The following SLC30A8 variants were observed in gnomAD, a reference collection of about 807,000 sequenced individuals.
The protein encoded by SLC30A8 is solute carrier family 30 member 8, also known as proton-coupled zinc antiporter SLC30A8.
SLC30A8 carries 27 observed loss-of-function variants against 36.9 expected under a neutral mutation model. The observed-to-expected ratio is 0.73, with a 90% confidence interval of 0.54 to 1.01. The LOEUF is 1.01. Among genes scored for constraint, SLC30A8 ranks in the 50% least tolerant of loss-of-function variants. The pLI is 0.00. For missense variants in SLC30A8, 439 were observed against 452.0 expected (o/e 0.97, Z 0.26); for synonymous variants, 164 against 172.4 (o/e 0.95, Z 0.38).
rs182180319 is a variant in SLC30A8 at position 117,022,439 on chromosome 8, C to G, written c.-265-16780C>G. Among the ~76,000 whole-genome samples the G allele has an allele frequency of 6.6e-5, 10 of 152,192 alleles. No individual in the cohort carries two copies. In the East Asian group the frequency reaches 1.9e-3, roughly 29 times the overall value. ...CAAAAAAGAGGTCTGGTATGAATGA[C>G]CTTTAGTGTCCCTCTTATAAACCAG... On this transcript the variant is annotated intron_variant, in intron 1 of 10. Coordinates refer to the SLC30A8 transcript ENST00000427715.
intron 4 of SLC30A8, among the ~76,000 whole-genome samples, chr8:117,160,434 T>C (rs868215114): frequency 0.023 from 3,372 of 146,178 alleles, 53 homozygotes; most frequent in African/African-American, 0.047. Flanking sequence ...TGTGTGTGTG[T>C]GCGCGCACAT....
chr8:117,078,969 T>TGA (rs1818576318), intron 2 of SLC30A8, among the ~76,000 whole-genome samples: 1 of 152,090 alleles, frequency 6.6e-6, no homozygotes, highest in Non-Finnish European at 1.5e-5. Context: ...ATTAAAGGTG[T>TGA]GAGCCAATGT....
intron 1 of SLC30A8, among the ~76,000 whole-genome samples, chr8:117,011,814 G>A (rs948133509): frequency 6.6e-5 from 10 of 152,080 alleles, no homozygotes; most frequent in Non-Finnish European, 1.2e-4. Context: ...TAAAACATAA[G>A]CAGGACTACT....
At chr8:117,127,955 C>G (rs1265802058) in intron 2 of SLC30A8, among the ~76,000 whole-genome samples, 1 of 152,082 alleles carries the variant, frequency 6.6e-6, no homozygotes, top group Non-Finnish European at 1.5e-5. Flanking sequence ...AAAGGCAATT[C>G]TCTCTTATAT....
At chr8:117,095,458 T>A (rs1235166541) in intron 2 of SLC30A8, among the ~76,000 whole-genome samples, 1 of 152,096 alleles carries the variant, frequency 6.6e-6, no homozygotes, top group Non-Finnish European at 1.5e-5. Flanking sequence ...ACAGGGTTTT[T>A]TTTTGCATAA....
At chr8:117,056,179 C>G (rs1258101946) in intron 2 of SLC30A8, 1 of 152,070 alleles carries the variant, frequency 6.6e-6, no homozygotes, top group Non-Finnish European at 1.5e-5. Context: ...AACATCTGAC[C>G]AAGGGCAGTA....
At chr8:117,061,370 G>C (rs1482092141) in intron 2 of SLC30A8, among the ~76,000 whole-genome samples, 1 of 152,326 alleles carries the variant, frequency 6.6e-6, no homozygotes, top group East Asian at 1.9e-4. Flanking sequence ...AGCCAGATAG[G>C]CTTTCTCATA....
intron 2 of SLC30A8, among the ~76,000 whole-genome samples, chr8:117,093,380 C>G (rs986845339): frequency 2.6e-5 from 4 of 151,510 alleles, no homozygotes; most frequent in Non-Finnish European, 5.9e-5. Flanking sequence ...TTACTTAAGC[C>G]AAATAAGACT....
At chr8:117,105,986 G>A (rs1304284654) in intron 2 of SLC30A8, among the ~76,000 whole-genome samples, 5 of 152,116 alleles carry the variant, frequency 3.3e-5, no homozygotes. Flanking sequence ...CATTTTCAAT[G>A]TACATCATAC....
chr8:117,172,334 C>G (rs1375129403), intron 7 of SLC30A8, among the ~76,000 whole-genome samples: 1 of 152,134 alleles, frequency 6.6e-6, no homozygotes, highest in Non-Finnish European at 1.5e-5. Flanking sequence ...CCCATAGCGA[C>G]AGGGCACTTT....
At chr8:117,054,586 G>A (rs1216137284) in intron 2 of SLC30A8, among the ~76,000 whole-genome samples, 1 of 152,018 alleles carries the variant, frequency 6.6e-6, no homozygotes, top group East Asian at 1.9e-4. Context: ...CACTGAACAA[G>A]TTTCTAGCTG....
chr8:117,021,053 A>G (rs1816681176), intron 1 of SLC30A8, among the ~76,000 whole-genome samples: 1 of 152,120 alleles, frequency 6.6e-6, no homozygotes. Context: ...GGGTGGTGAG[A>G]TTTTAGTTGC....
chr8:117,013,711 G>GCC (rs1470945901), intron 1 of SLC30A8, among the ~76,000 whole-genome samples: 5 of 152,072 alleles, frequency 3.3e-5, no homozygotes, highest in African/African-American at 4.8e-5. Context: ...AATTATCTAG[G>GCC]AGGGACAGAG....
chr8:117,165,616 A>T (rs1424438561), intron 6 of SLC30A8, among the ~76,000 whole-genome samples: 1 of 152,196 alleles, frequency 6.6e-6, no homozygotes, highest in Non-Finnish European at 1.5e-5. Flanking sequence ...CATCAGCAAG[A>T]TGGCTGACTA....
At chr8:117,081,078 A>G (rs1443875574) in intron 2 of SLC30A8, among the ~76,000 whole-genome samples, 2 of 152,204 alleles carry the variant, frequency 1.3e-5, no homozygotes, top group Non-Finnish European at 2.9e-5. Context: ...TGTAAACTGC[A>G]GAGTCATCTG....
At chr8:117,163,779 C>T (rs1822912975) in intron 6 of SLC30A8, among the ~76,000 whole-genome samples, 1 of 152,070 alleles carries the variant, frequency 6.6e-6, no homozygotes, top group African/African-American at 2.4e-5. Context: ...TAAGTATAAA[C>T]ACCATGCGGA....
intron 2 of SLC30A8, among the ~76,000 whole-genome samples, chr8:117,150,563 GC>G (rs1822131872): frequency 6.6e-6 from 1 of 152,152 alleles, no homozygotes; most frequent in African/African-American, 2.4e-5. Flanking sequence ...CCTAGTTCAT[GC>G]CTTTATCATA....
chr8:117,038,004 G>A (rs763552354), intron 1 of SLC30A8, among the ~76,000 whole-genome samples: 14 of 152,128 alleles, frequency 9.2e-5, no homozygotes, highest in East Asian at 1.9e-4. Flanking sequence ...TAGAGAACAC[G>A]CAGAGGAAAT....
chr8:117,020,111 G>T (rs774339471), intron 1 of SLC30A8, among the ~76,000 whole-genome samples: 55 of 152,302 alleles, frequency 3.6e-4, no homozygotes, highest in Admixed American at 5.9e-4. Flanking sequence ...GTTGAAAGGG[G>T]AGGATTTGCA....
Sources: gnomAD v4.1 joint callset for allele counts (sites outside exome capture counted in the v4.1 genomes callset) on GRCh38, gnomAD v4.1.1 for gene constraint, MANE v1.5 for transcripts, NCBI Gene and HGNC (gene_info 2026-07-23, HGNC 2026-07-21) for gene names.